The following MEF2C variants were observed in gnomAD, a reference collection of about 807,000 sequenced individuals.
MEF2C encodes myocyte enhancer factor 2C, also known as myocyte-specific enhancer factor 2C.
Under a neutral mutation model 50.5 loss-of-function variants are expected in MEF2C, and 6 were observed. The ratio of observed to expected loss-of-function variants is 0.12; its 90% CI spans 0.07 to 0.23. MEF2C has a LOEUF of 0.23. Ranked by LOEUF, MEF2C falls within the 10% of genes least tolerant of loss-of-function variation. The probability of loss-of-function intolerance (pLI) is 1.00; values close to 1 mark genes in which losing one functional copy is unlikely to be tolerated. For missense variants in MEF2C, 276 were observed against 605.0 expected (o/e 0.46, Z 5.70); for synonymous variants, 183 against 228.0 (o/e 0.80, Z 1.78).
chr5:88,899,610 G>A (rs1835443385), intron 1 of MEF2C, among the ~76,000 whole-genome samples: 1 of 152,048 alleles, frequency 6.6e-6, no homozygotes, highest in Non-Finnish European at 1.5e-5. Flanking sequence ...CTCTAATGAG[G>A]AAGCCTCTAT....
chr5:88,804,144 G>A (rs1296119422), intron 3 of MEF2C, among the ~76,000 whole-genome samples: 2 of 152,104 alleles, frequency 1.3e-5, no homozygotes, highest in African/African-American at 4.8e-5. Context: ...GACATAAATC[G>A]AAAAACTGAA....
At chr5:88,870,647 T>C (rs1428243323) in intron 1 of MEF2C, among the ~76,000 whole-genome samples, 2 of 152,108 alleles carry the variant, frequency 1.3e-5, no homozygotes, top group East Asian at 1.9e-4. Context: ...ATTTTACATA[T>C]AAAAATGTGT....
chr5:88,768,746 CTCTT>C (rs1222910574), intron 3 of MEF2C: 2 of 960,022 alleles, frequency 2.1e-6, no homozygotes, highest in African/African-American at 3.5e-5. Flanking sequence ...CAACTGCAAT[CTCTT>C]TTTTTTCCAT....
Position 88,735,382 on chromosome 5 carries a change from A to G in MEF2C, c.638-3481T>C, listed in dbSNP as rs796668526. ...TGTTTTAAAATTACCCTCTGCCTGG[A>G]CAATTATCAATTTAGACGTGACTGT... On this transcript the variant is annotated intron_variant, in intron 6 of 10. Coordinates refer to ENST00000504921, the MANE Select transcript of MEF2C (RefSeq NM_002397.5). The G allele has an allele frequency of 7.1e-6, 7 of 985,386 alleles. 1 individual carries two copies. The African/African-American group carries it at 1.2e-4, about 17-fold the overall frequency. 61.0% of individuals were successfully genotyped at this position (985,386 alleles called of 1,614,324 possible).
At chr5:88,805,346 T>C (rs1799946320) in intron 2 of MEF2C, among the ~76,000 whole-genome samples, 1 of 152,212 alleles carries the variant, frequency 6.6e-6, no homozygotes, top group Admixed American at 6.5e-5. Context: ...GGAAGTCCGT[T>C]AGCCATCATA....
At chr5:88,891,387 A>T (rs1025785220) in intron 1 of MEF2C, among the ~76,000 whole-genome samples, 1 of 139,198 alleles carries the variant, frequency 7.2e-6, no homozygotes, top group African/African-American at 2.9e-5. Flanking sequence ...TTAATAACCA[A>T]CCAACCTTTT....
chr5:88,877,648 A>G (rs78224424), intron 1 of MEF2C, among the ~76,000 whole-genome samples: 86 of 152,178 alleles, frequency 5.7e-4, no homozygotes, highest in Non-Finnish European at 5.0e-4. Flanking sequence ...GAATGCTTCC[A>G]GCACCCTTTA....
At chr5:88,837,009 A>AAG (rs1554039509) in intron 1 of MEF2C, among the ~76,000 whole-genome samples, 1 of 147,542 alleles carries the variant, frequency 6.8e-6, no homozygotes, top group African/African-American at 2.4e-5. Context: ...TCTCAAAAAA[A>AAG]AAAAAAAAAA....
intron 4 of MEF2C, among the ~76,000 whole-genome samples, chr5:88,755,214 C>T (rs1369665530): frequency 3.3e-5 from 5 of 152,172 alleles, no homozygotes; most frequent in Non-Finnish European, 7.4e-5. Flanking sequence ...TCTACTGACA[C>T]AAAAGTAAAG....
intron 6 of MEF2C, chr5:88,743,650 G>C (rs900131600): frequency 1.0e-6 from 1 of 985,292 alleles, no homozygotes; most frequent in Non-Finnish European, 1.2e-6. Flanking sequence ...AAGGTGCTGA[G>C]TCATGACCTA....
upstream of MEF2C, among the ~76,000 whole-genome samples, chr5:88,884,760 C>T (rs1833873630): frequency 7.0e-6 from 1 of 143,820 alleles, no homozygotes; most frequent in Non-Finnish European, 1.5e-5. Context: ...AGGGAGGATA[C>T]TTATGTTAAG....
At chr5:88,766,502 TTAA>T (rs2152730961) in intron 3 of MEF2C, 1 of 235,156 alleles carries the variant, frequency 4.3e-6, no homozygotes, top group African/African-American at 2.3e-5. Context: ...TATTTTTATA[TTAA>T]TGCTATTTAA....
intron 1 of MEF2C, among the ~76,000 whole-genome samples, chr5:88,865,360 T>C (rs1484665852): frequency 2.0e-5 from 3 of 152,168 alleles, no homozygotes; most frequent in Non-Finnish European, 4.4e-5. Flanking sequence ...ATTCTGCTTG[T>C]GAGAAACTTA....
At chr5:88,883,768 GGACTA>G (rs1207968444), upstream of MEF2C, 1 of 151,974 alleles carries the variant, frequency 6.6e-6, no homozygotes, top group Non-Finnish European at 1.5e-5. Flanking sequence ...AAGGGGGGCG[GGACTA>G]GACCTCGGAG....
chr5:88,802,042 C>T (rs1045347927), intron 3 of MEF2C, among the ~76,000 whole-genome samples: 2 of 152,184 alleles, frequency 1.3e-5, no homozygotes, highest in Non-Finnish European at 2.9e-5. Flanking sequence ...ATGTGTTAGA[C>T]TTACATGTTA....
At chr5:88,899,904 T>C (rs1835470876) in intron 1 of MEF2C, among the ~76,000 whole-genome samples, 1 of 152,152 alleles carries the variant, frequency 6.6e-6, no homozygotes, top group Non-Finnish European at 1.5e-5. Flanking sequence ...ATAAAAATGT[T>C]GATTATTTTA....
chr5:88,748,987 G>C lies in MEF2C; in HGVS notation c.637+83C>G, dbSNP rs973583246. 2.7e-5 allele frequency: 41 copies of C among 1,546,838 alleles called. No individual in the cohort carries two copies. The Middle Eastern group carries it at 6.7e-4, about 25-fold the overall frequency. ...TCTCACAGATCTCTTAACTTTATTTGTTCAAAAGACTTTGTCCTGCAAATC... is the reference window on the plus strand; with the variant it reads ...TCTCACAGATCTCTTAACTTTATTTCTTCAAAAGACTTTGTCCTGCAAATC... On this transcript the variant is annotated intron_variant, in intron 6 of 10. Transcript: ENST00000504921.
At chr5:88,726,927 G>GTTGATAA (rs1759071460) in intron 10 of MEF2C, among the ~76,000 whole-genome samples, 1 of 151,960 alleles carries the variant, frequency 6.6e-6, no homozygotes, top group African/African-American at 2.4e-5. Context: ...AAATAATATG[G>GTTGATAA]CTTTTGACAT....
At chr5:88,782,957 C>T (rs1346593818) in intron 3 of MEF2C, among the ~76,000 whole-genome samples, 1 of 152,182 alleles carries the variant, frequency 6.6e-6, no homozygotes, top group Non-Finnish European at 1.5e-5. Context: ...TGAATATTCT[C>T]TTCATATCAA....
Sources: allele counts gnomAD v4.1 joint callset (sites outside exome capture counted in the v4.1 genomes callset), GRCh38; gene constraint gnomAD v4.1.1; transcripts MANE v1.5; gene names NCBI Gene and HGNC (gene_info 2026-07-23, HGNC 2026-07-21).